Variants in FRMD6 observed in about 807,000 individuals in gnomAD.
FRMD6 encodes FERM domain containing 6.
FRMD6 carries 37 observed loss-of-function variants against 73.2 expected under a neutral mutation model. That is an observed-to-expected ratio of 0.51 (90% CI 0.39 to 0.66). The LOEUF (loss-of-function observed/expected upper bound fraction) is 0.66, where lower values mean the gene tolerates loss of function less well. Ranked by LOEUF, FRMD6 falls within the 30% of genes least tolerant of loss-of-function variation. FRMD6 has a pLI of 0.00. For missense variants in FRMD6, 714 were observed against 780.5 expected (o/e 0.91, Z 1.02); for synonymous variants, 273 against 282.2 (o/e 0.97, Z 0.33).
intron 6 of FRMD6, among the ~76,000 whole-genome samples, chr14:51,705,751 T>TG (rs1341943628): frequency 1.3e-5 from 2 of 152,138 alleles, no homozygotes; most frequent in Non-Finnish European, 2.9e-5. Flanking sequence ...AGTCCACTCA[T>TG]GGTGCTGCCT....
At chr14:51,403,845 T>G in the FRMD6 span, among the ~76,000 whole-genome samples, 1 of 152,230 alleles carries the variant, frequency 6.6e-6, no homozygotes, top group African/African-American at 2.4e-5. Context: ...AACTTTTGGA[T>G]TTTTTTCAAG....
At chr14:51,407,153 TA>T in the FRMD6 span, among the ~76,000 whole-genome samples, 615 of 152,258 alleles carry the variant, frequency 4.0e-3, 2 homozygotes, top group East Asian at 9.1e-3. Context: ...CATGTAGTAT[TA>T]TTTTTTTTAA....
intron 1 of FRMD6, among the ~76,000 whole-genome samples, chr14:51,549,386 A>G (rs1886653503): frequency 1.3e-5 from 2 of 152,194 alleles, no homozygotes; most frequent in Non-Finnish European, 1.5e-5. Context: ...GCAGGCTAAC[A>G]AAGTCTTATT....
At chr14:51,719,868 A>G (rs1409880231) in intron 10 of FRMD6, among the ~76,000 whole-genome samples, 187 bp from the exon 11 acceptor site, 1 of 152,110 alleles carries the variant, frequency 6.6e-6, no homozygotes, top group Admixed American at 6.5e-5. Context: ...ATCCCCCTCA[A>G]ATCTGTTGCA....
the FRMD6 span, among the ~76,000 whole-genome samples, chr14:51,474,354 A>AT: frequency 6.6e-6 from 1 of 152,226 alleles, no homozygotes; most frequent in African/African-American, 2.4e-5. Context: ...TTATGCTTAG[A>AT]TAACAGAGAA....
chr14:51,484,118 AAATC>A (rs1357712592), upstream of FRMD6, among the ~76,000 whole-genome samples: 2 of 152,254 alleles, frequency 1.3e-5, no homozygotes, highest in Non-Finnish European at 2.9e-5. Flanking sequence ...TCCATTAAAA[AAATC>A]TATTTTAAGT....
chr14:51,574,830 A>G (rs1410324317), intron 2 of FRMD6, among the ~76,000 whole-genome samples: 2 of 152,222 alleles, frequency 1.3e-5, no homozygotes, highest in Non-Finnish European at 2.9e-5. Flanking sequence ...ATATAATTGG[A>G]TGGTTTGTAA....
intron 1 of FRMD6, among the ~76,000 whole-genome samples, chr14:51,525,357 C>A (rs576072372): frequency 8.3e-4 from 127 of 152,206 alleles, no homozygotes; most frequent in African/African-American, 1.7e-3. Flanking sequence ...CAACCTCCCC[C>A]TCCCGGGTTC....
At chr14:51,418,702 C>G in the FRMD6 span, among the ~76,000 whole-genome samples, 5 of 152,358 alleles carry the variant, frequency 3.3e-5, no homozygotes, top group African/African-American at 4.8e-5. Context: ...AACCACTGCT[C>G]TCTTCAGAGC....
chr14:51,552,126 A>C (rs1157390266), intron 1 of FRMD6, among the ~76,000 whole-genome samples: 5 of 152,222 alleles, frequency 3.3e-5, no homozygotes, highest in Non-Finnish European at 7.3e-5. Context: ...TTGAGCTTTC[A>C]ATGTTGGATT....
chr14:51,504,601 C>T (rs1435839699), intron 1 of FRMD6, among the ~76,000 whole-genome samples: 1 of 152,182 alleles, frequency 6.6e-6, no homozygotes, highest in East Asian at 1.9e-4. Context: ...TTTCTTTTAA[C>T]CCTGTCTACT....
chr14:51,673,978 A>T (rs1200394960), intron 1 of FRMD6, among the ~76,000 whole-genome samples: 1 of 152,302 alleles, frequency 6.6e-6, no homozygotes, highest in East Asian at 1.9e-4. Context: ...GTTATTATAC[A>T]TGGAAGCTTA....
intron 1 of FRMD6, among the ~76,000 whole-genome samples, chr14:51,515,091 T>C (rs1884550072): frequency 6.6e-6 from 1 of 152,208 alleles, no homozygotes; most frequent in Non-Finnish European, 1.5e-5. Context: ...TAGATTGTGC[T>C]ACAGGATGGA....
At chr14:51,646,055 A>G (rs1004056331) in intron 2 of FRMD6, among the ~76,000 whole-genome samples, 4 of 152,028 alleles carry the variant, frequency 2.6e-5, no homozygotes, top group Non-Finnish European at 4.4e-5. Flanking sequence ...GCGGTGGCTC[A>G]AGCCTGTAAT....
chr14:51,563,441 G>A (rs1309949384), intron 1 of FRMD6, among the ~76,000 whole-genome samples: 2 of 152,284 alleles, frequency 1.3e-5, no homozygotes, highest in Admixed American at 6.5e-5. Context: ...AGGCTGAAGA[G>A]GGTGGATCAC....
chr14:51,635,896 A>G (rs1250521903), intron 2 of FRMD6, among the ~76,000 whole-genome samples: 4 of 152,252 alleles, frequency 2.6e-5, no homozygotes, highest in African/African-American at 9.6e-5. Context: ...TTTTCCTGCT[A>G]AAGAACACAA....
intron 1 of FRMD6, among the ~76,000 whole-genome samples, chr14:51,679,854 C>A (rs1894677234): frequency 6.6e-6 from 1 of 152,120 alleles, no homozygotes; most frequent in Non-Finnish European, 1.5e-5. Context: ...TAATGTAAGA[C>A]AAGTGATAAT....
intron 9 of FRMD6, chr14:51,713,804 C>T (rs913176765): frequency 1.3e-5 from 2 of 152,174 alleles, no homozygotes; most frequent in Admixed American, 6.5e-5. Flanking sequence ...TTGTTTCAAG[C>T]TATTTGTGAA....
rs559713945 is a variant in FRMD6 at position 51,494,592 on chromosome 14, G to A, written c.-210+5172G>A. The stretch of plus-strand genomic sequence containing the variant: ...GCCCATGCCACAGCTGTCATGGTTC[G>A]GAGTTGTGTGCTTGTGGTTCTTTGG... On this transcript the variant is annotated intron_variant, in intron 1 of 14. Transcript: ENST00000356218. Among the ~76,000 whole-genome samples the A allele has an allele frequency of 1.9e-3, 285 of 152,304 alleles. 3 individuals are homozygous for A. Among genetic ancestry groups the A allele is most frequent in the African/African-American group, 6.4e-3 (268 of 41,566 alleles).
Sources: gnomAD v4.1 joint callset for allele counts (sites outside exome capture counted in the v4.1 genomes callset) on GRCh38, gnomAD v4.1.1 for gene constraint, MANE v1.5 for transcripts, NCBI Gene and HGNC (gene_info 2026-07-23, HGNC 2026-07-21) for gene names.